Variants in ARID1A observed in about 807,000 individuals in gnomAD.
ARID1A encodes the protein AT-rich interactive domain-containing protein 1A.
ARID1A carries 20 observed loss-of-function variants against 212.6 expected under a neutral mutation model. The observed-to-expected ratio is 0.09, with a 90% confidence interval of 0.07 to 0.14. The LOEUF (loss-of-function observed/expected upper bound fraction) is 0.14. Ranked by LOEUF, ARID1A falls within the 10% of genes least tolerant of loss-of-function variation. ARID1A has a pLI of 1.00. For missense variants in ARID1A, 2,587 were observed against 3,059.0 expected (o/e 0.85, Z 3.64); for synonymous variants, 1,376 against 1,222.1 (o/e 1.13, Z -2.63).
chr1:26,697,253 G>T lies in ARID1A; in HGVS notation c.850G>T (p.Gly284Trp), dbSNP rs1316785625. 3 of 1,372,816 alleles carry T rather than the reference G, an allele frequency of 2.2e-6. No individual in the cohort carries two copies. Among genetic ancestry groups the T allele is most frequent in the East Asian group, 3.0e-5 (1 of 33,082 alleles). 85.0% of individuals were successfully genotyped at this position (1,372,816 alleles called of 1,614,324 possible). A position where few individuals can be genotyped will look rare whatever the true frequency, so the allele number is the denominator to read the frequency against. Residue 284 changes from glycine (G) to tryptophan (W), a missense_variant, in exon 1 of 20, where the codon GGG becomes TGG. By Grantham distance (184) the Gly-to-Trp change is radical. This residue lies in a region of ARID1A where 735 missense variants were observed against 590.6 expected (regional missense o/e 1.24). Coordinates refer to ENST00000324856, the MANE Select transcript of ARID1A (RefSeq NM_006015.6). ...MGGGGPSAAGGGTPQPTATPT... is the reference protein window; with the variant it reads ...MGGGGPSAAGWGTPQPTATPT... ...GGGAGGCGGCCCCTCCGCGGCCGGC[G>T]GGGGAACTCCCCAGCCCACCGCCAC...
intron 1 of ARID1A, 194 bp from the exon 2 acceptor site, chr1:26,729,457 T>A (rs1207601682): frequency 1.6e-6 from 1 of 637,250 alleles, no homozygotes; most frequent in Non-Finnish European, 2.7e-6. Context: ...GTATTTTCAT[T>A]TTTCAAATGA....
chr1:26,698,760 T>G (rs1200769327), intron 1 of ARID1A, among the ~76,000 whole-genome samples: 2 of 152,224 alleles, frequency 1.3e-5, no homozygotes, highest in African/African-American at 4.8e-5. Flanking sequence ...CTGGTTGCTT[T>G]GCAGAATTGA....
chr1:26,709,877 G>C (rs1175772084), intron 1 of ARID1A, among the ~76,000 whole-genome samples: 1 of 150,738 alleles, frequency 6.6e-6, no homozygotes, highest in Non-Finnish European at 1.5e-5. Flanking sequence ...CTGTCGGCCA[G>C]GCTGAAGTGC....
At chr1:26,735,908 T>C (rs2080724697) in intron 4 of ARID1A, among the ~76,000 whole-genome samples, 1 of 152,210 alleles carries the variant, frequency 6.6e-6, no homozygotes, top group Non-Finnish European at 1.5e-5. Flanking sequence ...CTCCTCCTGT[T>C]CATCTTTCAG....
chr1:26,699,928 A>T (rs893267953), intron 1 of ARID1A, among the ~76,000 whole-genome samples: 2 of 150,584 alleles, frequency 1.3e-5, no homozygotes, highest in Non-Finnish European at 3.0e-5. Flanking sequence ...TGTGTAGATG[A>T]TAGGAGAATA....
intron 14 of ARID1A, 91 bp downstream of exon 14, chr1:26,773,078 T>A (rs1156386494): frequency 6.7e-7 from 1 of 1,495,486 alleles, no homozygotes. Flanking sequence ...AGGGTTCTTG[T>A]GGAGCCATCC....
At position 26,775,712 on chromosome 1, in the gene ARID1A, G is replaced by A. The variant is rs2124127390; in HGVS notation, c.5124+5G>A. ...ATGACCTTCAACCTCAGTCAGGTGA[G>A]TATCAGTGCCTGGGGAAGATTGAGA... is the stretch of plus-strand genomic sequence containing the variant. On this transcript the variant is annotated splice_donor_5th_base_variant and intron_variant, in intron 19 of 19. Coordinates refer to ENST00000324856, the MANE Select transcript of ARID1A (RefSeq NM_006015.6). The A allele has an allele frequency of 1.2e-6, 2 of 1,614,174 alleles. No individual in the cohort carries two copies. Among genetic ancestry groups the A allele is most frequent in the Non-Finnish European group, 1.7e-6 (2 of 1,180,024 alleles).
intron 10 of ARID1A, among the ~76,000 whole-genome samples, 169 bp downstream of exon 10, chr1:26,766,735 T>C (rs923618992): frequency 6.6e-6 from 1 of 152,194 alleles, no homozygotes; most frequent in Non-Finnish European, 1.5e-5. Flanking sequence ...CCCAGAATAA[T>C]AGCTCAGTGA....
chr1:26,747,013 G>A (rs2080841695), intron 4 of ARID1A, among the ~76,000 whole-genome samples: 1 of 152,152 alleles, frequency 6.6e-6, no homozygotes, highest in Non-Finnish European at 1.5e-5. Context: ...CTGCACTCCA[G>A]CCTGGTGACA....
chr1:26,766,694 G>A (rs2081042575), intron 10 of ARID1A, 128 bp downstream of exon 10: 1 of 982,858 alleles, frequency 1.0e-6, no homozygotes, highest in Admixed American at 2.9e-5. Flanking sequence ...CTCTGAAAAA[G>A]CTGCTGTTGC....
intron 18 of ARID1A, among the ~76,000 whole-genome samples, 162 bp from the exon 19 acceptor site, chr1:26,775,415 G>A (rs2124125168): frequency 1.3e-5 from 2 of 152,312 alleles, no homozygotes; most frequent in Middle Eastern, 6.8e-3. Flanking sequence ...GTCCTAGACA[G>A]ACAGCTTAGA....
At chr1:26,769,344 A>G (rs2081064835) in intron 11 of ARID1A, 1 of 152,238 alleles carries the variant, frequency 6.6e-6, no homozygotes, top group African/African-American at 2.4e-5. Context: ...GAACTTTTAT[A>G]AAGGCAGTGA....
intron 1 of ARID1A, among the ~76,000 whole-genome samples, chr1:26,709,156 T>C (rs1319473492): frequency 6.6e-6 from 1 of 152,184 alleles, no homozygotes; most frequent in Admixed American, 6.5e-5. Flanking sequence ...TTCTCAACTA[T>C]ATAATGAGGA....
intron 4 of ARID1A, among the ~76,000 whole-genome samples, chr1:26,734,571 AGTGGTAGAAGC>A (rs2080711505): frequency 6.6e-6 from 1 of 152,164 alleles, no homozygotes; most frequent in African/African-American, 2.4e-5. Flanking sequence ...TCATTTGCTC[AGTGGTAGAAGC>A]TCCATGTGGG....
chr1:26,700,505 A>G (rs1221894817), intron 1 of ARID1A, among the ~76,000 whole-genome samples: 2 of 152,192 alleles, frequency 1.3e-5, no homozygotes, highest in Non-Finnish European at 2.9e-5. Flanking sequence ...CCCGGTACTG[A>G]TGAAATAGTT....
Position 26,707,200 on chromosome 1 carries a change from ATTTTTTT to A in ARID1A, c.1137+9680_1137+9686del, listed in dbSNP as rs751639614. Among the ~76,000 whole-genome samples the A allele has an allele frequency of 6.6e-4, 68 of 102,610 alleles. 1 individual carries two copies. Among genetic ancestry groups the A allele is most frequent in the Admixed American group, 2.0e-3 (20 of 10,004 alleles). 67.3% of individuals were successfully genotyped at this position (102,610 alleles called of 152,430 possible). On this transcript the variant is annotated intron_variant, in intron 1 of 19. Coordinates refer to ENST00000324856, the MANE Select transcript of ARID1A (RefSeq NM_006015.6). ...AGGCATGCGCCACCGCGGCTGGCTA[ATTTTTTT>A]TTTTTTTTTTTTTTTTTTTGAGATG...
In ARID1A at chr1:26,772,216, A is replaced by G. The variant is rs1557614178; in HGVS notation, c.3407-284A>G. ...AGGTCCTTTGGCGGAGTGAAGAGAA[A>G]TAGCCAGGGAAGCTGGCAATGACTC... On this transcript the variant is annotated intron_variant, in intron 12 of 19. Coordinates refer to ENST00000324856, the MANE Select transcript of ARID1A (RefSeq NM_006015.6). 3.9e-5 allele frequency: 17 copies of G among 436,070 alleles called. No individual in the cohort carries two copies. The East Asian group carries it at 6.6e-4, about 17-fold the overall frequency. 27.0% of individuals were successfully genotyped at this position (436,070 alleles called of 1,614,324 possible). A position where few individuals can be genotyped will look rare whatever the true frequency, so the allele number is the denominator to read the frequency against.
chr1:26,749,557 A>G (rs1459663153), intron 4 of ARID1A, among the ~76,000 whole-genome samples: 1 of 152,144 alleles, frequency 6.6e-6, no homozygotes, highest in Non-Finnish European at 1.5e-5. Flanking sequence ...GCAGCCCAGC[A>G]GTCTTTCTTC....
At position 26,731,349 on chromosome 1, in the gene ARID1A, T is replaced by C; in HGVS notation, c.1548T>C (p.Pro516=). Residue 516 remains proline (P), a synonymous_variant, in exon 3 of 20, where the codon CCT becomes CCC. Coordinates refer to ENST00000324856, the MANE Select transcript of ARID1A (RefSeq NM_006015.6). The stretch of plus-strand genomic sequence containing the variant: ...CACCACAGCTCCAGTCCTCTCAGCC[T>C]CCATACTCCCAGCAGCCATCCCAGC... ...SQPPQLQSSQ[P]PYSQQPSQPP... is the part of the protein sequence containing the mutation. 1 of 1,613,186 alleles carries C rather than the reference T, an allele frequency of 6.2e-7. No individual in the cohort carries two copies. The highest frequency in any genetic ancestry group is 1.1e-5 in the South Asian group (1 of 90,982).
Sources: allele counts gnomAD v4.1 joint callset (sites outside exome capture counted in the v4.1 genomes callset), GRCh38; gene constraint gnomAD v4.1.1; regional missense constraint gnomAD v4.1.1; transcripts MANE v1.5; gene names NCBI Gene and HGNC (gene_info 2026-07-23, HGNC 2026-07-21).